BTBD9: variants seen among roughly 807,000 people sequenced by gnomAD.
The protein encoded by BTBD9 is BTB domain containing 9.
In BTBD9, 49 loss-of-function variants were observed where a neutral mutation model predicts 64.3. That is an observed-to-expected ratio of 0.76 (90% confidence interval 0.61 to 0.97). The LOEUF is 0.97. Ranked by LOEUF, BTBD9 falls within the 50% of genes least tolerant of loss-of-function variation. The probability of loss-of-function intolerance (pLI) is 0.00; values close to 1 mark genes in which losing one functional copy is unlikely to be tolerated. For synonymous variants in BTBD9, 260 were observed against 274.7 expected, an observed-to-expected ratio of 0.95 and a Z score of 0.53; for missense variants, 598 against 762.1, an observed-to-expected ratio of 0.78 and a Z score of 2.53.
chr6:38,192,914 G>T lies in BTBD9; in HGVS notation c.1563-317C>A, dbSNP rs1351275851. On this transcript the variant is annotated intron_variant, in intron 9 of 10. Transcript: ENST00000481247. ...CAAGCTCATTACAACAAGGGGTGGG[G>T]GGAGGGGGGAGGGATGGCACTGGGA... 4.2e-5 allele frequency among the ~76,000 whole-genome samples: 5 copies of T among 119,928 alleles called. No homozygotes were observed. The South Asian group carries it at 1.4e-3, about 33-fold the overall frequency. The allele number at this position is 119,928 out of a possible 152,430, so 78.7% of individuals were successfully genotyped here.
At chr6:38,431,713 C>A (rs1768451556) in intron 6 of BTBD9, among the ~76,000 whole-genome samples, 1 of 151,286 alleles carries the variant, frequency 6.6e-6, no homozygotes, top group Non-Finnish European at 1.5e-5. Context: ...CCTATCATTT[C>A]TCCTCTAGAC....
intron 6 of BTBD9, among the ~76,000 whole-genome samples, chr6:38,552,645 T>C (rs1393662643): frequency 1.3e-5 from 2 of 151,764 alleles, no homozygotes; most frequent in Non-Finnish European, 2.9e-5. Context: ...CTGGAGCCTG[T>C]CATCCTAGCT....
At chr6:38,458,158 A>C (rs1161561848) in intron 6 of BTBD9, among the ~76,000 whole-genome samples, 1 of 152,234 alleles carries the variant, frequency 6.6e-6, no homozygotes, top group African/African-American at 2.4e-5. Flanking sequence ...GGAAAAAAAC[A>C]AAACAGATTA....
At chr6:38,454,710 T>C (rs912955662) in intron 6 of BTBD9, among the ~76,000 whole-genome samples, 13 of 151,314 alleles carry the variant, frequency 8.6e-5, no homozygotes, top group African/African-American at 3.2e-4. Flanking sequence ...GGTGGGAGAA[T>C]TGCTTGAGCC....
At chr6:38,434,345 C>T (rs909689703) in intron 6 of BTBD9, among the ~76,000 whole-genome samples, 2 of 151,924 alleles carry the variant, frequency 1.3e-5, no homozygotes, top group Non-Finnish European at 2.9e-5. Flanking sequence ...CCTTGGTCTC[C>T]ACAATCTTTT....
At chr6:38,256,598 C>T (rs761732336) in intron 8 of BTBD9, 82 bp from the exon 9 acceptor site, 30 of 932,180 alleles carry the variant, frequency 3.2e-5, no homozygotes, top group Non-Finnish European at 4.9e-5. Context: ...CCCTCCCACC[C>T]ACCTCCTTTG....
intron 9 of BTBD9, among the ~76,000 whole-genome samples, chr6:38,201,723 G>A (rs1762467812): frequency 6.6e-6 from 1 of 152,218 alleles, no homozygotes; most frequent in African/African-American, 2.4e-5. Flanking sequence ...CTTAAGGGTT[G>A]ATAAGCAGAT....
intron 6 of BTBD9, among the ~76,000 whole-genome samples, chr6:38,442,977 T>G (rs760759676): frequency 6.6e-6 from 1 of 152,048 alleles, no homozygotes; most frequent in Non-Finnish European, 1.5e-5. Context: ...CCATTTGTGC[T>G]CTTAAAACAT....
intron 9 of BTBD9, among the ~76,000 whole-genome samples, chr6:38,227,947 C>T (rs1272860608): frequency 1.3e-5 from 2 of 152,120 alleles, no homozygotes. Context: ...CAGTGGTTGC[C>T]AGAGGTTGGT....
intron 6 of BTBD9, among the ~76,000 whole-genome samples, chr6:38,444,060 C>T (rs1205702152): frequency 6.6e-6 from 1 of 152,194 alleles, no homozygotes; most frequent in Non-Finnish European, 1.5e-5. Context: ...CACTGGGTAC[C>T]TGATCACTAA....
chr6:38,559,166 T>C (rs750516557), intron 6 of BTBD9, among the ~76,000 whole-genome samples: 19 of 152,242 alleles, frequency 1.2e-4, no homozygotes, highest in Non-Finnish European at 2.4e-4. Context: ...TTTCCAAGAA[T>C]TGTTCCATTT....
chr6:38,364,842 G>C (rs914023632), intron 6 of BTBD9, among the ~76,000 whole-genome samples: 1 of 152,132 alleles, frequency 6.6e-6, no homozygotes, highest in African/African-American at 2.4e-5. Flanking sequence ...AACAAGACAA[G>C]GCCCTGTAGA....
At chr6:38,543,148 G>A (rs1358699071) in intron 6 of BTBD9, among the ~76,000 whole-genome samples, 3 of 152,036 alleles carry the variant, frequency 2.0e-5, no homozygotes, top group African/African-American at 4.8e-5. Flanking sequence ...AAGGCTCTTC[G>A]CACAGATATC....
intron 8 of BTBD9, among the ~76,000 whole-genome samples, chr6:38,277,497 C>T (rs1761322899): frequency 6.6e-6 from 1 of 152,082 alleles, no homozygotes; most frequent in African/African-American, 2.4e-5. Flanking sequence ...CCACGCCTGG[C>T]TAATTTTTGT....
intron 6 of BTBD9, among the ~76,000 whole-genome samples, chr6:38,526,717 T>G (rs527975118): frequency 6.6e-6 from 1 of 152,378 alleles, no homozygotes; most frequent in East Asian, 1.9e-4. Context: ...ATGACTGCCC[T>G]GCTGGATTTT....
At chr6:38,501,229 A>T (rs1198359915) in intron 6 of BTBD9, among the ~76,000 whole-genome samples, 2 of 152,200 alleles carry the variant, frequency 1.3e-5, no homozygotes, top group Non-Finnish European at 2.9e-5. Context: ...TGATCCAAGC[A>T]TCCAAGATCC....
intron 6 of BTBD9, among the ~76,000 whole-genome samples, chr6:38,400,353 A>T (rs1766873402): frequency 6.6e-6 from 1 of 151,890 alleles, no homozygotes; most frequent in South Asian, 2.1e-4. Context: ...CCCACGTTCC[A>T]CTTTCTCATA....
chr6:38,193,993 T>C (rs1178744401), intron 9 of BTBD9: 11 of 723,102 alleles, frequency 1.5e-5, no homozygotes, highest in Admixed American at 6.3e-5. Context: ...AAAATCACTG[T>C]CTCCATAAAA....
chr6:38,217,688 T>C (rs1429989886), intron 9 of BTBD9, among the ~76,000 whole-genome samples: 6 of 145,696 alleles, frequency 4.1e-5, no homozygotes, highest in South Asian at 2.1e-4. Flanking sequence ...ATTATTATTT[T>C]TTTCTTTTTT....
Sources: allele counts gnomAD v4.1 joint callset (sites outside exome capture counted in the v4.1 genomes callset), GRCh38; gene constraint gnomAD v4.1.1; transcripts MANE v1.5; gene names NCBI Gene and HGNC (gene_info 2026-07-23, HGNC 2026-07-21).